Variants in SOX6 observed in about 807,000 individuals in gnomAD.
SOX6 encodes the protein transcription factor SOX-6.
Under a neutral mutation model 97.8 loss-of-function variants are expected in SOX6, and 11 were observed. That is an observed-to-expected ratio of 0.11 (90% CI 0.07 to 0.19). SOX6 has a LOEUF of 0.19. Ranked by LOEUF, SOX6 falls within the 10% of genes least tolerant of loss-of-function variation. The probability of loss-of-function intolerance (pLI) is 1.00; values close to 1 mark genes in which losing one functional copy is unlikely to be tolerated. For missense variants in SOX6, 810 were observed against 1,039.5 expected (o/e 0.78, Z 3.04); for synonymous variants, 360 against 371.4 (o/e 0.97, Z 0.35).
chr11:15,989,338 C>T, intron 13 of SOX6, 108 bp from the exon 14 acceptor site: 2 of 821,806 alleles, frequency 2.4e-6, no homozygotes, highest in South Asian at 1.9e-5. Flanking sequence ...TCCTCCTCTT[C>T]TTTTCTAAGT....
chr11:16,186,003 C>A (rs1356661348), intron 5 of SOX6, among the ~76,000 whole-genome samples: 1 of 152,072 alleles, frequency 6.6e-6, no homozygotes, highest in Non-Finnish European at 1.5e-5. Flanking sequence ...TCTGTCTGAT[C>A]TAAAGCATCA....
chr11:16,310,797 C>A (rs906227676), intron 3 of SOX6, among the ~76,000 whole-genome samples: 6 of 152,012 alleles, frequency 3.9e-5, no homozygotes, highest in African/African-American at 1.4e-4. Flanking sequence ...AGGCTTAAAT[C>A]TGGGATATTA....
intron 3 of SOX6, among the ~76,000 whole-genome samples, chr11:16,299,622 A>C (rs990192885): frequency 3.3e-5 from 5 of 152,172 alleles, no homozygotes; most frequent in African/African-American, 1.2e-4. Flanking sequence ...ATGAATAGTC[A>C]ACTACGATAG....
At chr11:16,377,111 T>C (rs942096186) in intron 1 of SOX6, among the ~76,000 whole-genome samples, 1 of 152,168 alleles carries the variant, frequency 6.6e-6, no homozygotes, top group South Asian at 2.1e-4. Context: ...ATTTCAATTT[T>C]AAAATATAGT....
intron 13 of SOX6, among the ~76,000 whole-genome samples, chr11:15,992,351 G>A (rs902275934): frequency 6.6e-6 from 1 of 152,158 alleles, no homozygotes; most frequent in Non-Finnish European, 1.5e-5. Context: ...CTACAACAGC[G>A]ACGTTTAACA....
At chr11:16,495,547 C>A (rs897408293) in intron 4 of SOX6, among the ~76,000 whole-genome samples, 2 of 152,208 alleles carry the variant, frequency 1.3e-5, no homozygotes, top group Non-Finnish European at 2.9e-5. Flanking sequence ...ACCACAATAG[C>A]TGGCACCCAC....
intron 4 of SOX6, among the ~76,000 whole-genome samples, chr11:16,199,620 C>T (rs1018842782): frequency 6.6e-6 from 1 of 152,122 alleles, no homozygotes. Context: ...CATTTTAAAA[C>T]ATTAAAGTAC....
rs189024049 is a variant in SOX6 at position 16,298,847 on chromosome 11, C to T, written c.445+19599G>A. 2.0e-5 allele frequency among the ~76,000 whole-genome samples: 3 copies of T among 151,924 alleles called. No individual in the cohort carries two copies. The South Asian group carries it at 6.2e-4, about 32-fold the overall frequency. On this transcript the variant is annotated intron_variant, in intron 3 of 15. Coordinates refer to ENST00000683767, the MANE Select transcript of SOX6 (RefSeq NM_001367873.1). Reference sequence around the variant, plus strand: ...AGATATGATTAAAAGATTAAATACTCCTACCAAGATGAAGATAGAGTTTTA... The same window carrying T: ...AGATATGATTAAAAGATTAAATACTTCTACCAAGATGAAGATAGAGTTTTA...
At chr11:16,594,950 C>T (rs1361566461) in intron 4 of SOX6, among the ~76,000 whole-genome samples, 1 of 152,052 alleles carries the variant, frequency 6.6e-6, no homozygotes, top group Non-Finnish European at 1.5e-5. Flanking sequence ...CTCGGCCTCC[C>T]CGAAGTGCTG....
chr11:16,400,904 A>T (rs1280502649), intron 1 of SOX6, among the ~76,000 whole-genome samples: 2 of 151,478 alleles, frequency 1.3e-5, no homozygotes, highest in Non-Finnish European at 3.0e-5. Flanking sequence ...ATAGTCCCAA[A>T]TTTCTAAATA....
chr11:16,610,004 G>T lies in SOX6; in HGVS notation n.609+2077C>A, dbSNP rs1848378640. ...TGCTGGGCAGCTCTTAAAGGCCAGG[G>T]CTCCCAGAACTGCCTGCGGGCCCCT... On this transcript the variant is annotated intron_variant and non_coding_transcript_variant, in intron 4 of 5. Coordinates refer to the SOX6 transcript ENST00000524520. The surrounding 1 kb of genome is among the most constrained non-coding windows in gnomAD (Gnocchi z 4.4). Among the ~76,000 whole-genome samples, 1 of 152,188 alleles carries T rather than the reference G, an allele frequency of 6.6e-6. No individual in the cohort carries two copies. Among genetic ancestry groups the T allele is most frequent in the African/African-American group, 2.4e-5 (1 of 41,430 alleles).
intron 4 of SOX6, among the ~76,000 whole-genome samples, chr11:16,195,100 G>A (rs1478147482): frequency 6.6e-6 from 1 of 152,162 alleles, no homozygotes; most frequent in Non-Finnish European, 1.5e-5. Flanking sequence ...TTCTCTAGAA[G>A]CTCCATGAGC....
upstream of SOX6, among the ~76,000 whole-genome samples, chr11:16,358,683 T>C (rs1009649102): frequency 6.6e-6 from 1 of 152,080 alleles, no homozygotes; most frequent in Non-Finnish European, 1.5e-5. Context: ...GTAGTAGATA[T>C]TTTGCCACAG....
chr11:16,178,565 G>A (rs766576693), intron 6 of SOX6, among the ~76,000 whole-genome samples: 20 of 151,842 alleles, frequency 1.3e-4, no homozygotes, highest in East Asian at 1.9e-4. Context: ...AAGGGCTTGC[G>A]GAAGCTAGGG....
chr11:16,465,362 A>G (rs533680127), intron 1 of SOX6, among the ~76,000 whole-genome samples: 5 of 152,182 alleles, frequency 3.3e-5, no homozygotes, highest in Non-Finnish European at 7.3e-5. Context: ...ATGAGCATAC[A>G]CTTACTACTA....
upstream of SOX6, among the ~76,000 whole-genome samples, chr11:16,477,287 T>A (rs1184816527): frequency 6.6e-6 from 1 of 152,200 alleles, no homozygotes; most frequent in Non-Finnish European, 1.5e-5. Context: ...CTGCAGTTTT[T>A]AAATATAGCC....
intron 4 of SOX6, among the ~76,000 whole-genome samples, chr11:16,518,776 CA>C (rs199824776): frequency 4.0e-5 from 6 of 151,512 alleles, no homozygotes; most frequent in Admixed American, 6.6e-5. Flanking sequence ...ATTTTCAACA[CA>C]AAAAAAACGT....
At chr11:16,655,706 C>T (rs2134016396) in intron 3 of SOX6, among the ~76,000 whole-genome samples, 1 of 152,274 alleles carries the variant, frequency 6.6e-6, no homozygotes, top group East Asian at 1.9e-4. Context: ...CATTGCTGAT[C>T]TTTCTTACAT....
intron 4 of SOX6, among the ~76,000 whole-genome samples, chr11:16,588,560 G>A (rs777060940): frequency 1.3e-5 from 2 of 152,106 alleles, no homozygotes; most frequent in Admixed American, 6.5e-5. Context: ...AAACAACAAA[G>A]AGCCCCAGAC....
Sources: gnomAD v4.1 joint callset for allele counts (sites outside exome capture counted in the v4.1 genomes callset) on GRCh38, gnomAD v4.1.1 for gene constraint, Gnocchi (gnomAD v3.1) non-coding constraint, MANE v1.5 for transcripts, NCBI Gene and HGNC (gene_info 2026-07-23, HGNC 2026-07-21) for gene names.